The following LRP1 variants were observed in gnomAD, a reference collection of about 807,000 sequenced individuals.
LRP1 encodes LDL receptor related protein 1.
In LRP1, 51 loss-of-function variants were observed where a neutral mutation model predicts 541.5. That is an observed-to-expected ratio of 0.09 (90% CI 0.08 to 0.12). LRP1 has a LOEUF of 0.12. Ranked by LOEUF, LRP1 falls within the 10% of genes least tolerant of loss-of-function variation. The pLI is 1.00. For missense variants in LRP1, 3,878 were observed against 6,376.2 expected, an observed-to-expected ratio of 0.61 and a Z score of 13.34; for synonymous variants, 2,219 against 2,470.8, an observed-to-expected ratio of 0.90 and a Z score of 3.02.
Position 57,185,591 on chromosome 12 carries a change from G to C in LRP1, c.6524G>C (p.Arg2175Pro). 2 of 1,606,178 alleles carry C rather than the reference G, an allele frequency of 1.2e-6. No homozygotes were observed. Among genetic ancestry groups the C allele is most frequent in the Non-Finnish European group, 1.7e-6 (2 of 1,177,910 alleles). The change falls in exon 41 of 89, where the codon CGT becomes CCT. Residue 2175 changes from arginine (R) to proline (P), a missense_variant. Arg to Pro is a moderately radical substitution (Grantham distance 103). Around this residue, in one of 13 missense-constraint regions of LRP1, gnomAD observed 1,100 missense variants for 1,827.4 expected, o/e 0.60. Transcript: ENST00000243077. This position sits in a 1 kb window ranked among gnomAD's most constrained non-coding sequence, Gnocchi z 4.9. The stretch of plus-strand genomic sequence containing the variant: ...CAGCAGCTGTGCCTGTACCGGGGCC[G>C]TGGGCAGCGGGCCTGCGCCTGTGCC... ...GCQQLCLYRGRGQRACACAHG... is the reference protein window; with the variant it reads ...GCQQLCLYRGPGQRACACAHG...
rs768026823 is a variant in LRP1, at chr12:57,156,228, C to G, written c.1362C>G (p.Thr454=). The change falls in exon 9 of 89, where the codon ACC becomes ACG. Residue 454 remains threonine, a synonymous_variant. Transcript: ENST00000243077. The surrounding 1 kb of genome is among the most constrained non-coding windows in gnomAD (Gnocchi z 5.2). The part of the protein sequence containing the change: ...RFNSTEYQVV[T]RVDKGGALHI... Reference sequence around the variant, plus strand: ...ACAGCACCGAGTACCAGGTTGTCACCCGGGTGGACAAGGGTGGTGCCCTCC... The same window carrying G: ...ACAGCACCGAGTACCAGGTTGTCACGCGGGTGGACAAGGGTGGTGCCCTCC... 5 of 1,614,148 alleles carry G rather than the reference C, an allele frequency of 3.1e-6. No individual in the cohort carries two copies. Among genetic ancestry groups the G allele is most frequent in the Non-Finnish European group, 3.4e-6 (4 of 1,180,032 alleles).
In LRP1 at chr12:57,145,050, T is replaced by C; in HGVS notation, c.527T>C (p.Val176Ala). ...GACGGCTCCTTCATATGTGGCTGTG[T>C]TGAAGGATACCTCCTGCAGCCGGAT... ...NTDGSFICGCVEGYLLQPDNR... is the reference protein window; with the variant it reads ...NTDGSFICGCAEGYLLQPDNR... The change falls in exon 5 of 89, where the codon GTT becomes GCT. Residue 176 changes from valine to alanine, a missense_variant. Around this residue, in one of 13 missense-constraint regions of LRP1, gnomAD observed 293 missense variants for 403.7 expected, o/e 0.73. Transcript: ENST00000243077. 1.2e-6 allele frequency: 2 copies of C among 1,614,092 alleles called. No homozygotes were observed. Among genetic ancestry groups the C allele is most frequent in the African/African-American group, 2.7e-5 (2 of 75,038 alleles).
chr12:57,211,071 G>T lies in LRP1; in HGVS notation c.12917-105G>T, dbSNP rs1343927970. The T allele has an allele frequency of 7.0e-7, 1 of 1,418,676 alleles. No homozygotes were observed. The highest frequency in any genetic ancestry group is 9.7e-7 in the Non-Finnish European group (1 of 1,032,992). 87.9% of individuals were successfully genotyped at this position (1,418,676 alleles called of 1,614,324 possible). A position where few individuals can be genotyped will look rare whatever the true frequency, so the allele number is the denominator to read the frequency against. Reference sequence around the variant, plus strand: ...GCTGGCACACTTCCCCTGAGGCAGTGCACCCCCTGCACCAAGATTATGCAA... The same window carrying T: ...GCTGGCACACTTCCCCTGAGGCAGTTCACCCCCTGCACCAAGATTATGCAA... On this transcript the variant is annotated intron_variant, in intron 83 of 88. Coordinates refer to ENST00000243077, the MANE Select transcript of LRP1 (RefSeq NM_002332.3). This position sits in a 1 kb window ranked among gnomAD's most constrained non-coding sequence, Gnocchi z 4.3.
rs547779616 is a variant in LRP1 at position 57,165,868 on chromosome 12, G to A, written c.2594G>A (p.Arg865His). 1.9e-5 allele frequency: 31 copies of A among 1,614,186 alleles called. No homozygotes were observed. The highest frequency in any genetic ancestry group is 8.8e-5 in the South Asian group (8 of 91,082). ...QPGEFACANS[R>H]CIQERWKCDG... ...GGCGAGTTTGCCTGTGCCAACAGCC[G>A]CTGCATCCAGGAGCGCTGGAAGTGT... Residue 865 changes from arginine (R) to histidine (H), a missense_variant, in exon 16 of 89, where the codon CGC (arginine) becomes CAC (histidine). This residue lies in a region of LRP1 where 496 missense variants were observed against 861.0 expected (regional missense o/e 0.58). Coordinates refer to ENST00000243077, the MANE Select transcript of LRP1 (RefSeq NM_002332.3). This position sits in a 1 kb window ranked among gnomAD's most constrained non-coding sequence, Gnocchi z 4.5.
At chr12:57,151,038 T>C (rs767629258) in intron 6 of LRP1, among the ~76,000 whole-genome samples, 10 of 151,944 alleles carry the variant, frequency 6.6e-5, no homozygotes, top group Non-Finnish European at 8.8e-5. Flanking sequence ...TGGGTGACAT[T>C]TTCTCAGGAC....
chr12:57,212,461 G>A lies in LRP1; in HGVS notation c.13541G>A (p.Gly4514Asp), dbSNP rs1163350423. The stretch of plus-strand genomic sequence containing the variant: ...GTGTATGCCACACTCTACATGGGGG[G>A]CCATGGCAGTCGCCACTCCCTGGCC... Reference protein sequence around the residue: ...NPVYATLYMGGHGSRHSLAST... With the variant: ...NPVYATLYMGDHGSRHSLAST... Residue 4514 changes from glycine (G) to aspartate (D), a missense_variant, in exon 89 of 89, where the codon GGC becomes GAC. Gly to Asp is a moderately conservative substitution (Grantham distance 94, BLOSUM62 -1). Transcript: ENST00000243077. The surrounding 1 kb of genome is among the most constrained non-coding windows in gnomAD (Gnocchi z 5.0). 1 of 1,614,094 alleles carries A rather than the reference G, an allele frequency of 6.2e-7. No individual in the cohort carries two copies. Among genetic ancestry groups the A allele is most frequent in the East Asian group, 2.2e-5 (1 of 44,862 alleles).
intron 42 of LRP1, among the ~76,000 whole-genome samples, chr12:57,190,011 C>T (rs943859055): frequency 2.0e-5 from 3 of 152,144 alleles, no homozygotes; most frequent in Admixed American, 6.5e-5. Flanking sequence ...ACAAGGAGCA[C>T]GGCATAATTG....
chr12:57,197,525 C>T lies in LRP1; in HGVS notation c.9163-20C>T. 3.7e-6 allele frequency: 6 copies of T among 1,614,066 alleles called. No individual in the cohort carries two copies. The highest frequency in any genetic ancestry group is 5.1e-6 in the Non-Finnish European group (6 of 1,180,000). ...TGTTGCCACAACCGACTTCTGCTGT[C>T]CTTCACTCCCCAAATCCAGGGCCTG... On this transcript the variant is annotated intron_variant, in intron 57 of 88. Coordinates refer to ENST00000243077, the MANE Select transcript of LRP1 (RefSeq NM_002332.3). The surrounding 1 kb of genome is among the most constrained non-coding windows in gnomAD (Gnocchi z 4.5).
At chr12:57,191,083 C>A in intron 43 of LRP1, 74 bp downstream of exon 43, 2 of 1,459,998 alleles carry the variant, frequency 1.4e-6, no homozygotes, top group Non-Finnish European at 1.9e-6. Flanking sequence ...TCAACCAAGA[C>A]CGTCCAGGCA....
intron 77 of LRP1, 30 bp from the exon 78 acceptor site, chr12:57,208,681 T>G (rs1045219758): frequency 1.4e-6 from 2 of 1,476,706 alleles, no homozygotes; most frequent in Non-Finnish European, 1.9e-6. Flanking sequence ...CCCTCCGGCC[T>G]GCCCACACTC....
chr12:57,143,838 A>G, intron 4 of LRP1, 40 bp downstream of exon 4: 1 of 1,583,206 alleles, frequency 6.3e-7, no homozygotes, highest in Non-Finnish European at 8.6e-7. Context: ...TGTGTGTGCC[A>G]GTAGCCAGTT....
chr12:57,166,441 G>A (rs1400067244), intron 17 of LRP1: 1 of 509,200 alleles, frequency 2.0e-6, no homozygotes, highest in Non-Finnish European at 3.5e-6. Context: ...TGCACCTCTA[G>A]TCCCAGCTAC....
chr12:57,205,576 G>A lies in LRP1; in HGVS notation c.11489G>A (p.Arg3830His), dbSNP rs1304957093. Residue 3830 changes from arginine (R) to histidine (H), a missense_variant, in exon 75 of 89, where the codon CGC (arginine) becomes CAC (histidine). Arg to His is a conservative substitution (Grantham distance 29). Transcript: ENST00000243077. This position sits in a 1 kb window ranked among gnomAD's most constrained non-coding sequence, Gnocchi z 4.6. ...PGCQDINECL[R>H]FGTCSQLCNN... ...CCCTTAGACATCAACGAGTGCCTGC[G>A]CTTCGGCACCTGCTCCCAGCTCTGC... is the stretch of plus-strand genomic sequence containing the variant. The A allele has an allele frequency of 5.6e-6, 9 of 1,613,934 alleles. No individual in the cohort carries two copies. The highest frequency in any genetic ancestry group is 7.6e-6 in the Non-Finnish European group (9 of 1,180,004).
rs530715233 is a variant in LRP1, at chr12:57,158,299, G to C, written c.1562-103G>C. The C allele has an allele frequency of 6.5e-6, 6 of 921,046 alleles. No individual in the cohort carries two copies. In the Admixed American group the frequency reaches 1.3e-4, roughly 20 times the overall value. 57.1% of individuals were successfully genotyped at this position (921,046 alleles called of 1,614,324 possible). A position where few individuals can be genotyped will look rare whatever the true frequency, so the allele number is the denominator to read the frequency against. On this transcript the variant is annotated intron_variant, in intron 10 of 88. Transcript: ENST00000243077. This position sits in a 1 kb window ranked among gnomAD's most constrained non-coding sequence, Gnocchi z 5.3. ...GAGCCTCGCATCCCTAACGTCTCCT[G>C]ACCCATCACAGCTAGGGCATTGCAG...
chr12:57,183,766 C>T lies in LRP1; in HGVS notation c.5795-9C>T, dbSNP rs769096680. The T allele has an allele frequency of 2.8e-5, 45 of 1,613,604 alleles. 1 individual carries two copies. The highest frequency in any genetic ancestry group is 3.6e-5 in the Non-Finnish European group (42 of 1,180,028). On this transcript the variant is annotated splice_polypyrimidine_tract_variant and intron_variant, in intron 35 of 88. Coordinates refer to ENST00000243077, the MANE Select transcript of LRP1 (RefSeq NM_002332.3). This position sits in a 1 kb window ranked among gnomAD's most constrained non-coding sequence, Gnocchi z 6.1. ...TTGGGCATCCCCATGTCACCTCCTC[C>T]ACCTCCAGAAAATGACACCATCTAC...
At chr12:57,194,731 A>G in intron 50 of LRP1, 32 bp downstream of exon 50, 1 of 1,524,094 alleles carries the variant, frequency 6.6e-7, no homozygotes, top group Non-Finnish European at 8.8e-7. Context: ...TCAGTGCTCC[A>G]AGAGCCTGCT....
rs2034963742 is a variant in LRP1, at chr12:57,128,605, C to T, written c.-360C>T. 1 of 415,938 alleles carries T rather than the reference C, an allele frequency of 2.4e-6. No individual in the cohort carries two copies. The highest frequency in any genetic ancestry group is 4.0e-5 in the Admixed American group (1 of 25,102). 25.8% of individuals were successfully genotyped at this position (415,938 alleles called of 1,614,324 possible). The stretch of plus-strand genomic sequence containing the variant: ...GGCTCCCCTACCCGGTCCACGCCCC[C>T]CACCCCCCCTCCCCGCCTCCTCCCA... On this transcript the variant is annotated 5_prime_UTR_variant, in exon 1 of 89. Coordinates refer to ENST00000243077, the MANE Select transcript of LRP1 (RefSeq NM_002332.3).
rs1161896138 is a variant in LRP1 at position 57,204,383 on chromosome 12, C to T, written c.10952-27C>T. Reference sequence around the variant, plus strand: ...GGTCTGGGTGGGCTCATGGCTCATTCTATCTCTTGGCTCCCCCTGGCACCA... The same window carrying T: ...GGTCTGGGTGGGCTCATGGCTCATTTTATCTCTTGGCTCCCCCTGGCACCA... On this transcript the variant is annotated intron_variant, in intron 70 of 88. Transcript: ENST00000243077. This position sits in a 1 kb window ranked among gnomAD's most constrained non-coding sequence, Gnocchi z 5.3. 2 of 1,512,482 alleles carry T rather than the reference C, an allele frequency of 1.3e-6. No individual in the cohort carries two copies. The highest frequency in any genetic ancestry group is 1.8e-6 in the Non-Finnish European group (2 of 1,129,636). 93.7% of individuals were successfully genotyped at this position (1,512,482 alleles called of 1,614,324 possible). A position where few individuals can be genotyped will look rare whatever the true frequency, so the allele number is the denominator to read the frequency against.
rs1296188359 is a variant in LRP1, at chr12:57,193,571, C to T, written c.7690C>T (p.Arg2564Cys). 3 of 1,613,774 alleles carry T rather than the reference C, an allele frequency of 1.9e-6. No individual in the cohort carries two copies. Among genetic ancestry groups the T allele is most frequent in the South Asian group, 1.1e-5 (1 of 91,060 alleles). The part of the protein sequence containing the change: ...SDEKPSYCNS[R>C]RCKKTFRQCS... ...GCCTACTCCTCCATTTGCAGACTCC[C>T]GCCGCTGCAAGAAGACTTTCCGGCA... The change falls in exon 47 of 89, where the codon CGC (arginine) becomes TGC (cysteine). Residue 2564 changes from arginine (R) to cysteine (C), a missense_variant. Arg to Cys is a radical substitution (Grantham distance 180). Coordinates refer to ENST00000243077, the MANE Select transcript of LRP1 (RefSeq NM_002332.3).
Sources: gnomAD v4.1 joint callset for allele counts (sites outside exome capture counted in the v4.1 genomes callset) on GRCh38, gnomAD v4.1.1 for gene constraint, gnomAD v4.1.1 regional missense constraint, Gnocchi (gnomAD v3.1) non-coding constraint, MANE v1.5 for transcripts, NCBI Gene and HGNC (gene_info 2026-07-23, HGNC 2026-07-21) for gene names.